The following MAP6 variants were observed in gnomAD, a reference collection of about 807,000 sequenced individuals.
MAP6 encodes the protein microtubule-associated protein 6.
A neutral mutation model predicts 42.4 loss-of-function variants in MAP6; 26 were observed. That is an observed-to-expected ratio of 0.61 (90% CI 0.45 to 0.85). The LOEUF (loss-of-function observed/expected upper bound fraction) is 0.85. MAP6 is among the 40% of genes least tolerant of loss of function. The pLI is 0.00. For synonymous variants in MAP6, 418 were observed against 443.8 expected, an observed-to-expected ratio of 0.94 and a Z score of 0.73; for missense variants, 966 against 1,099.0, an observed-to-expected ratio of 0.88 and a Z score of 1.71.
At chr11:75,588,304 G>A (rs1942404015) in intron 3 of MAP6, 120 bp from the exon 4 acceptor site, 1 of 797,066 alleles carries the variant, frequency 1.3e-6, no homozygotes, top group South Asian at 1.8e-5. Flanking sequence ...TCTTGCTGGA[G>A]AGCCAGGAGA....
At position 75,608,222 on chromosome 11, in the gene MAP6, A is replaced by G. The variant is rs1942818194; in HGVS notation, c.1006T>C (p.Tyr336His). 6.2e-7 allele frequency: 1 copy of G among 1,614,078 alleles called. No homozygotes were observed. Among genetic ancestry groups the G allele is most frequent in the Non-Finnish European group, 8.5e-7 (1 of 1,180,018 alleles). ...GCCTCTCCTTTGAACTGAGCACTGT[A>G]GCTGGTCTCATGAACCATCTTATCA... ...PDDKMVHETSYSAQFKGEASK... is the reference protein window; with the variant it reads ...PDDKMVHETSHSAQFKGEASK... The change falls in exon 2 of 4, where the codon TAC becomes CAC. Residue 336 changes from tyrosine (Y) to histidine (H), a missense_variant. By Grantham distance (83) the Tyr-to-His change is moderately conservative. Around this residue, in one of 2 missense-constraint regions of MAP6, gnomAD observed 943 missense variants for 1,049.9 expected, o/e 0.90. Coordinates refer to ENST00000304771, the MANE Select transcript of MAP6 (RefSeq NM_033063.2).
At chr11:75,665,125 T>G (rs185563018) in intron 1 of MAP6, among the ~76,000 whole-genome samples, 1 of 152,180 alleles carries the variant, frequency 6.6e-6, no homozygotes, top group South Asian at 2.1e-4. Context: ...TTAATAGAAT[T>G]GATAGGTGCT....
chr11:75,637,976 A>C (rs1943399418), intron 1 of MAP6, among the ~76,000 whole-genome samples: 2 of 152,232 alleles, frequency 1.3e-5, no homozygotes, highest in Non-Finnish European at 2.9e-5. Context: ...TTGAATTAAC[A>C]GGGGTGAAAA....
rs182011565 is a variant in MAP6 at position 75,615,328 on chromosome 11, G to A, written c.906-7006C>T. Among the ~76,000 whole-genome samples the A allele has an allele frequency of 1.6e-4, 24 of 152,328 alleles. No individual in the cohort carries two copies. The East Asian group carries it at 4.2e-3, about 27-fold the overall frequency. On this transcript the variant is annotated intron_variant, in intron 1 of 3. Coordinates refer to ENST00000304771, the MANE Select transcript of MAP6 (RefSeq NM_033063.2). ...GCCTACTCATAGAATTGATGTGGGG[G>A]TTAAATAAGAAAGAATGTAAAGCAG... is the stretch of plus-strand genomic sequence containing the variant.
At chr11:75,612,043 C>A (rs1341530345) in intron 1 of MAP6, among the ~76,000 whole-genome samples, 3 of 152,262 alleles carry the variant, frequency 2.0e-5, no homozygotes, top group Non-Finnish European at 4.4e-5. Context: ...CTGCTGCCTG[C>A]AATGCTGTAG....
chr11:75,642,624 T>C (rs527747325), intron 1 of MAP6: 3 of 187,658 alleles, frequency 1.6e-5, no homozygotes, highest in South Asian at 1.1e-4. Context: ...CCATTCATCA[T>C]TGTTTGGAAA....
intron 1 of MAP6, 129 bp from the exon 2 acceptor site, chr11:75,608,451 G>A: frequency 2.8e-6 from 2 of 723,374 alleles, no homozygotes; most frequent in Non-Finnish European, 4.7e-6. Context: ...GTGGCTGGAG[G>A]GTTAGCCTCA....
intron 1 of MAP6, among the ~76,000 whole-genome samples, chr11:75,658,305 T>C (rs1943785842): frequency 6.6e-6 from 1 of 152,134 alleles, no homozygotes; most frequent in Admixed American, 6.5e-5. Context: ...TTTCATTCTG[T>C]ACCGAACATC....
intron 1 of MAP6, among the ~76,000 whole-genome samples, chr11:75,609,922 G>C (rs1277415117): frequency 6.6e-6 from 1 of 152,240 alleles, no homozygotes; most frequent in African/African-American, 2.4e-5. Context: ...AAAGGTGACT[G>C]GGTAATGAGG....
At chr11:75,627,046 TTA>T (rs1207539703) in intron 1 of MAP6, among the ~76,000 whole-genome samples, 1 of 152,236 alleles carries the variant, frequency 6.6e-6, no homozygotes, top group East Asian at 1.9e-4. Flanking sequence ...GTCCTATTAC[TTA>T]TGTTTTCTCT....
intron 1 of MAP6, among the ~76,000 whole-genome samples, chr11:75,657,771 G>A (rs2135690344): frequency 6.6e-6 from 1 of 152,228 alleles, no homozygotes; most frequent in Admixed American, 6.5e-5. Flanking sequence ...CATCTTCAAA[G>A]CCAACAACCG....
At chr11:75,603,641 C>A in intron 3 of MAP6, 2 of 984,748 alleles carry the variant, frequency 2.0e-6, no homozygotes, top group Non-Finnish European at 2.4e-6. Flanking sequence ...TGTCAAACTG[C>A]GATTTGGGCA....
chr11:75,617,514 CAAAAA>C (rs61477947), intron 1 of MAP6, among the ~76,000 whole-genome samples: 1 of 28,152 alleles, frequency 3.6e-5, no homozygotes, highest in African/African-American at 1.0e-4. Context: ...AGACTGTCTC[CAAAAA>C]AAAAAAAAAA....
At chr11:75,611,793 T>C (rs73488421) in intron 1 of MAP6, among the ~76,000 whole-genome samples, 1,959 of 152,368 alleles carry the variant, frequency 0.013, 59 homozygotes, top group African/African-American at 0.045. Flanking sequence ...TTCTCTATAG[T>C]TCTTAAAACA....
chr11:75,645,620 A>C (rs1943542173), intron 1 of MAP6, among the ~76,000 whole-genome samples: 2 of 152,224 alleles, frequency 1.3e-5, no homozygotes, highest in South Asian at 4.1e-4. Context: ...CATCCAAAGA[A>C]CTTGAGAAAA....
intron 3 of MAP6, among the ~76,000 whole-genome samples, chr11:75,592,602 C>T (rs1178141873): frequency 6.6e-6 from 1 of 151,836 alleles, no homozygotes; most frequent in Non-Finnish European, 1.5e-5. Flanking sequence ...ATGCCATCAT[C>T]TACCTGGACC....
chr11:75,606,558 C>T (rs1942779348), intron 2 of MAP6, among the ~76,000 whole-genome samples: 2 of 152,166 alleles, frequency 1.3e-5, no homozygotes, highest in Non-Finnish European at 2.9e-5. Context: ...AGAAATAAAC[C>T]TTTGTTGATG....
intron 3 of MAP6, chr11:75,603,742 G>T (rs583231): frequency 0.55 from 541,600 of 984,256 alleles, 149,738 homozygotes; most frequent in East Asian, 0.59. Context: ...TGCCCACCAC[G>T]CCTAGCACAG....
At chr11:75,643,702 T>C (rs991395523) in intron 1 of MAP6, among the ~76,000 whole-genome samples, 1 of 152,246 alleles carries the variant, frequency 6.6e-6, no homozygotes, top group Non-Finnish European at 1.5e-5. Flanking sequence ...GCACATGTTA[T>C]GTTGCCAGGC....
Sources: gnomAD v4.1 joint callset for allele counts (sites outside exome capture counted in the v4.1 genomes callset) on GRCh38, gnomAD v4.1.1 for gene constraint, gnomAD v4.1.1 regional missense constraint, MANE v1.5 for transcripts, NCBI Gene and HGNC (gene_info 2026-07-23, HGNC 2026-07-21) for gene names.